LRP11: variants seen among roughly 807,000 people sequenced by gnomAD.
LRP11 encodes low-density lipoprotein receptor-related protein 11.
In LRP11, 25 loss-of-function variants were observed where a neutral mutation model predicts 43.1. The ratio of observed to expected loss-of-function variants is 0.58; its 90% CI spans 0.42 to 0.81. The LOEUF is 0.81. Ranked by LOEUF, LRP11 falls within the 30% of genes least tolerant of loss-of-function variation. The pLI is 0.00. For missense variants in LRP11, 623 were observed against 665.1 expected, an observed-to-expected ratio of 0.94 and a Z score of 0.70; for synonymous variants, 316 against 299.4, an observed-to-expected ratio of 1.06 and a Z score of -0.57.
Position 149,852,990 on chromosome 6 carries a change from C to A in LRP11, c.771+13G>T. On this transcript the variant is annotated intron_variant, in intron 2 of 6. Transcript: ENST00000239367. ...AAATACTCGTTTTTGTTAGCAGTGA[C>A]AACATGCGTTACCTTCATGTCCACT... The A allele has an allele frequency of 6.4e-7, 1 of 1,571,092 alleles. No individual in the cohort carries two copies.
At chr6:149,831,359 T>G (rs1023907049) in intron 5 of LRP11, among the ~76,000 whole-genome samples, 1 of 152,332 alleles carries the variant, frequency 6.6e-6, no homozygotes, top group Admixed American at 6.5e-5. Flanking sequence ...TAGCCCTTTG[T>G]AGGGCTGGAA....
intron 2 of LRP11, among the ~76,000 whole-genome samples, chr6:149,844,332 C>G (rs1776597401): frequency 6.6e-6 from 1 of 152,168 alleles, no homozygotes; most frequent in African/African-American, 2.4e-5. Flanking sequence ...TTTGAAAACC[C>G]CTGCTTCCTT....
intron 1 of LRP11, among the ~76,000 whole-genome samples, chr6:149,857,716 G>A (rs1025327375): frequency 7.2e-5 from 11 of 152,142 alleles, no homozygotes; most frequent in African/African-American, 1.2e-4. Context: ...GCAGCACCCC[G>A]TTGGCAGTAC....
chr6:149,857,634 G>A (rs1037319697), intron 1 of LRP11, among the ~76,000 whole-genome samples: 1 of 152,134 alleles, frequency 6.6e-6, no homozygotes, highest in African/African-American at 2.4e-5. Flanking sequence ...AGAAATTATG[G>A]CTTAGGCATC....
chr6:149,859,469 T>C (rs1416637650), intron 1 of LRP11, among the ~76,000 whole-genome samples: 1 of 146,982 alleles, frequency 6.8e-6, no homozygotes. Context: ...AATCTCAGCT[T>C]ACTGTAACCT....
chr6:149,836,904 T>C (rs1385154399), intron 4 of LRP11, among the ~76,000 whole-genome samples: 2 of 152,166 alleles, frequency 1.3e-5, no homozygotes, highest in Non-Finnish European at 2.9e-5. Context: ...CTCAAATCCA[T>C]ACTTCATTAC....
Position 149,852,908 on chromosome 6 carries a change from C to T in LRP11, c.771+95G>A, listed in dbSNP as rs1017383125. On this transcript the variant is annotated intron_variant, in intron 2 of 6. Coordinates refer to ENST00000239367, the MANE Select transcript of LRP11 (RefSeq NM_032832.6). ...GTCTCCATTTTATGCCTTCTGCTAG[C>T]GTACAGACATTTAGGGAGCATGAAG... The T allele has an allele frequency of 5.3e-5, 59 of 1,110,464 alleles. No homozygotes were observed. In the East Asian group the frequency reaches 5.7e-4, roughly 11 times the overall value. The allele number at this position is 1,110,464 out of a possible 1,614,324, so 68.8% of individuals were successfully genotyped here.
intron 6 of LRP11, among the ~76,000 whole-genome samples, chr6:149,823,143 G>A (rs942657995): frequency 2.6e-5 from 4 of 152,188 alleles, no homozygotes; most frequent in Non-Finnish European, 5.9e-5. Flanking sequence ...GTGGGCTTTT[G>A]GAAGCTGAGG....
chr6:149,835,570 T>C (rs1776460555), intron 5 of LRP11, among the ~76,000 whole-genome samples: 1 of 152,162 alleles, frequency 6.6e-6, no homozygotes, highest in African/African-American at 2.4e-5. Flanking sequence ...ATCGCGTCAC[T>C]GTACTCCAGC....
At chr6:149,828,836 C>T (rs1057192978) in intron 5 of LRP11, among the ~76,000 whole-genome samples, 2 of 152,012 alleles carry the variant, frequency 1.3e-5, no homozygotes, top group African/African-American at 4.8e-5. Context: ...TCAATGTAAG[C>T]CTTGTTTAGA....
At chr6:149,858,409 A>G (rs559905593) in intron 1 of LRP11, among the ~76,000 whole-genome samples, 112 of 152,240 alleles carry the variant, frequency 7.4e-4, no homozygotes, top group Non-Finnish European at 1.2e-3. Flanking sequence ...TAGTCCATGG[A>G]GTATATGTGC....
intron 1 of LRP11, among the ~76,000 whole-genome samples, chr6:149,858,888 T>A (rs1019104445): frequency 6.6e-6 from 1 of 151,978 alleles, no homozygotes; most frequent in African/African-American, 2.4e-5. Flanking sequence ...TCCTAAAAAA[T>A]ATTCCAGAAG....
chr6:149,858,711 T>A (rs1471463004), intron 1 of LRP11, among the ~76,000 whole-genome samples: 1 of 152,338 alleles, frequency 6.6e-6, no homozygotes, highest in East Asian at 1.9e-4. Flanking sequence ...TATTGATATT[T>A]CTTCATATAT....
intron 1 of LRP11, among the ~76,000 whole-genome samples, chr6:149,857,767 C>T (rs1223140982): frequency 9.9e-5 from 15 of 152,152 alleles, no homozygotes; most frequent in East Asian, 7.7e-4. Context: ...GTGTTTTATC[C>T]GCACAACCAG....
chr6:149,864,316 G>C lies in LRP11; in HGVS notation c.-296C>G. The C allele has an allele frequency of 1.9e-6, 2 of 1,029,316 alleles. No individual in the cohort carries two copies. The highest frequency in any genetic ancestry group is 2.3e-6 in the Non-Finnish European group (2 of 859,322). The allele number at this position is 1,029,316 out of a possible 1,614,324, so 63.8% of individuals were successfully genotyped here. ...GGCCTGCGGCGCGCTGGGTGGCGACGAGTCGGCCTCGGCGTTGATCAGCAC... is the reference window on the plus strand; with the variant it reads ...GGCCTGCGGCGCGCTGGGTGGCGACCAGTCGGCCTCGGCGTTGATCAGCAC... On this transcript the variant is annotated 5_prime_UTR_variant, in exon 1 of 7. Coordinates refer to ENST00000239367, the MANE Select transcript of LRP11 (RefSeq NM_032832.6).
intron 1 of LRP11, among the ~76,000 whole-genome samples, chr6:149,859,396 A>ATATATATATATTT: frequency 2.8e-5 from 2 of 71,496 alleles, no homozygotes; most frequent in African/African-American, 1.6e-4. Context: ...ATATATATAT[A>ATATATATATATTT]TTTTTTTTTT....
At chr6:149,847,359 T>C (rs1188867716) in intron 2 of LRP11, among the ~76,000 whole-genome samples, 2 of 152,142 alleles carry the variant, frequency 1.3e-5, no homozygotes, top group African/African-American at 4.8e-5. Flanking sequence ...CTGAGCACAC[T>C]CCAGTTTAGA....
intron 3 of LRP11, among the ~76,000 whole-genome samples, chr6:149,839,636 A>G (rs1776519320): frequency 6.6e-6 from 1 of 152,156 alleles, no homozygotes; most frequent in South Asian, 2.1e-4. Flanking sequence ...ATATTGTTGA[A>G]CAGGCATCTC....
At chr6:149,849,406 T>C (rs1776686906) in intron 2 of LRP11, among the ~76,000 whole-genome samples, 1 of 152,196 alleles carries the variant, frequency 6.6e-6, no homozygotes, top group Non-Finnish European at 1.5e-5. Context: ...AATATATAAC[T>C]TTAAATCCAG....
Sources: gnomAD v4.1 joint callset for allele counts (sites outside exome capture counted in the v4.1 genomes callset) on GRCh38, gnomAD v4.1.1 for gene constraint, MANE v1.5 for transcripts, NCBI Gene and HGNC (gene_info 2026-07-23, HGNC 2026-07-21) for gene names.